SDK1: variants seen among roughly 807,000 people sequenced by gnomAD.
SDK1 encodes sidekick cell adhesion molecule 1.
In SDK1, 157 loss-of-function variants were observed where a neutral mutation model predicts 245.5. The observed-to-expected ratio is 0.64, with a 90% CI of 0.56 to 0.73. SDK1 has a LOEUF of 0.73. Ranked by LOEUF, SDK1 falls within the 30% of genes least tolerant of loss-of-function variation. The pLI, the probability that SDK1 is intolerant of heterozygous loss-of-function variation, is 0.00. For missense variants in SDK1, 3,583 were observed against 3,002.3 expected, an observed-to-expected ratio of 1.19 and a Z score of -4.52; for synonymous variants, 1,647 against 1,278.5, an observed-to-expected ratio of 1.29 and a Z score of -6.15.
chr7:3,625,270 A>G (rs537327223), intron 2 of SDK1, among the ~76,000 whole-genome samples: 28 of 152,326 alleles, frequency 1.8e-4, no homozygotes, highest in African/African-American at 6.5e-4. Flanking sequence ...TCAGAAACCG[A>G]TCACAGATAA....
intron 1 of SDK1, among the ~76,000 whole-genome samples, chr7:3,345,615 T>C (rs935055869): frequency 6.6e-6 from 1 of 152,172 alleles, no homozygotes; most frequent in Non-Finnish European, 1.5e-5. Context: ...TATAGTAACA[T>C]ATCAGGGCTT....
At chr7:3,730,185 T>C (rs943107255) in intron 4 of SDK1, among the ~76,000 whole-genome samples, 5 of 152,126 alleles carry the variant, frequency 3.3e-5, no homozygotes, top group Non-Finnish European at 7.3e-5. Flanking sequence ...AACACTCACA[T>C]CTGTAGCTGA....
intron 4 of SDK1, among the ~76,000 whole-genome samples, chr7:3,796,364 A>G (rs1159897460): frequency 6.6e-6 from 1 of 152,252 alleles, no homozygotes; most frequent in Non-Finnish European, 1.5e-5. Context: ...TTAATCAGGA[A>G]GGTAAAGGGC....
chr7:4,200,616 C>T (rs1783830477), intron 35 of SDK1, among the ~76,000 whole-genome samples: 1 of 152,204 alleles, frequency 6.6e-6, no homozygotes, highest in Admixed American at 6.5e-5. Context: ...GAGTTCCTTG[C>T]CATGAAGGGC....
intron 2 of SDK1, among the ~76,000 whole-genome samples, chr7:3,621,095 C>G (rs1781924359): frequency 6.6e-6 from 1 of 152,070 alleles, no homozygotes; most frequent in South Asian, 2.1e-4. Context: ...GGAAAGATCC[C>G]TCCTCATTTG....
intron 5 of SDK1, among the ~76,000 whole-genome samples, chr7:3,892,797 G>T (rs887285647): frequency 1.3e-5 from 2 of 152,214 alleles, no homozygotes; most frequent in African/African-American, 4.8e-5. Context: ...CTGGGAGGCA[G>T]TCCGGAAAGC....
chr7:3,477,317 T>A (rs1273796633), intron 1 of SDK1, among the ~76,000 whole-genome samples: 1 of 144,508 alleles, frequency 6.9e-6, no homozygotes, highest in East Asian at 2.3e-4. Context: ...TGCCTCAGCC[T>A]CCTGAGTAGC....
intron 1 of SDK1, among the ~76,000 whole-genome samples, chr7:3,330,829 C>A (rs948267058): frequency 9.3e-4 from 74 of 79,950 alleles, no homozygotes; most frequent in Non-Finnish European, 1.6e-3. Context: ...AAAAAAAAAA[C>A]CAGGTGTGGT....
At chr7:3,362,302 C>G (rs922870723) in intron 1 of SDK1, among the ~76,000 whole-genome samples, 1 of 152,132 alleles carries the variant, frequency 6.6e-6, no homozygotes, top group East Asian at 1.9e-4. Flanking sequence ...CTTCTTTCAC[C>G]TTTTTGAAGA....
intron 1 of SDK1, among the ~76,000 whole-genome samples, chr7:3,596,313 T>C (rs1781060674): frequency 6.6e-6 from 1 of 152,128 alleles, no homozygotes; most frequent in East Asian, 1.9e-4. Flanking sequence ...CAATAATTGG[T>C]ACAAGAGAGT....
chr7:3,998,165 C>T (rs1254912260), intron 14 of SDK1, among the ~76,000 whole-genome samples: 4 of 152,222 alleles, frequency 2.6e-5, no homozygotes, highest in Non-Finnish European at 5.9e-5. Flanking sequence ...TCTGCAGCCA[C>T]GGTTTGGGCA....
At chr7:3,504,440 C>T (rs980277717) in intron 1 of SDK1, among the ~76,000 whole-genome samples, 1 of 151,964 alleles carries the variant, frequency 6.6e-6, no homozygotes, top group East Asian at 1.9e-4. Context: ...AATCAAGATG[C>T]TGTGGTACTG....
intron 1 of SDK1, among the ~76,000 whole-genome samples, chr7:3,446,530 A>G (rs1780346431): frequency 6.6e-6 from 1 of 152,164 alleles, no homozygotes; most frequent in African/African-American, 2.4e-5. Flanking sequence ...TGTAAGAGCC[A>G]CGAAACTTCC....
chr7:3,905,879 C>T (rs1052338182), intron 5 of SDK1, among the ~76,000 whole-genome samples: 2 of 152,178 alleles, frequency 1.3e-5, no homozygotes, highest in African/African-American at 2.4e-5. Flanking sequence ...CCACCTCAGC[C>T]TCCCAAAGTG....
intron 5 of SDK1, among the ~76,000 whole-genome samples, chr7:3,868,614 C>A (rs963441342): frequency 6.6e-6 from 1 of 152,160 alleles, no homozygotes; most frequent in African/African-American, 2.4e-5. Flanking sequence ...AATTTTCTCC[C>A]ACAATAATGT....
intron 22 of SDK1, among the ~76,000 whole-genome samples, chr7:4,091,334 C>CTTTTCTTTTTTTTTTTTTTTTTTT (rs1259034611): frequency 6.5e-5 from 7 of 108,262 alleles, no homozygotes; most frequent in African/African-American, 2.5e-4. Flanking sequence ...CTTTTCTTTT[C>CTTTTCTTTTTTTTTTTTTTTTTTT]TTTTTTTTTT....
intron 1 of SDK1, among the ~76,000 whole-genome samples, chr7:3,563,202 A>G (rs1215993754): frequency 1.3e-5 from 2 of 152,296 alleles, no homozygotes; most frequent in East Asian, 3.9e-4. Context: ...GGGAAGTGGG[A>G]TGGAAAGAAT....
At chr7:3,501,315 C>G (rs971074917) in intron 1 of SDK1, among the ~76,000 whole-genome samples, 1 of 151,742 alleles carries the variant, frequency 6.6e-6, no homozygotes, top group South Asian at 2.1e-4. Context: ...TTTTACTATT[C>G]TTCCCTCTGT....
chr7:3,875,265 A>T (rs978299693), intron 5 of SDK1, among the ~76,000 whole-genome samples: 4 of 152,162 alleles, frequency 2.6e-5, no homozygotes, highest in African/African-American at 9.7e-5. Flanking sequence ...ATTAGTCTGC[A>T]CTTCGTCCAG....
Sources: gnomAD v4.1 joint callset for allele counts (sites outside exome capture counted in the v4.1 genomes callset) on GRCh38, gnomAD v4.1.1 for gene constraint, MANE v1.5 for transcripts, NCBI Gene and HGNC (gene_info 2026-07-23, HGNC 2026-07-21) for gene names.